The following TAFA4 variants were observed in gnomAD, a reference collection of about 807,000 sequenced individuals.
TAFA4 encodes chemokine-like protein TAFA-4.
Under a neutral mutation model 21.1 loss-of-function variants are expected in TAFA4, and 20 were observed. The observed-to-expected ratio is 0.95, with a 90% CI of 0.67 to 1.38. TAFA4 has a LOEUF of 1.38. TAFA4 is among the 40% of genes most tolerant of loss of function. The pLI, the probability that TAFA4 is intolerant of heterozygous loss-of-function variation, is 0.00. For missense variants in TAFA4, 211 were observed against 180.9 expected (o/e 1.17, Z -0.95); for synonymous variants, 71 against 67.4 (o/e 1.05, Z -0.26).
At chr3:68,778,852 C>T (rs568222388) in intron 3 of TAFA4, among the ~76,000 whole-genome samples, 1 of 152,196 alleles carries the variant, frequency 6.6e-6, no homozygotes, top group Admixed American at 6.5e-5. Flanking sequence ...GTGGGTGTTG[C>T]TGAAAAGATA....
intron 3 of TAFA4, among the ~76,000 whole-genome samples, chr3:68,770,811 C>T (rs1019279192): frequency 6.6e-6 from 1 of 152,178 alleles, no homozygotes; most frequent in African/African-American, 2.4e-5. Context: ...CCGGCGAGGG[C>T]TCCACCCTCG....
chr3:68,793,247 A>G (rs900101088), intron 3 of TAFA4, among the ~76,000 whole-genome samples: 4 of 152,180 alleles, frequency 2.6e-5, no homozygotes, highest in African/African-American at 4.8e-5. Context: ...CCCAACATTT[A>G]CTAAATAGAA....
At position 68,744,241 on chromosome 3, in the gene TAFA4, C is replaced by T. The variant is rs560274056; in HGVS notation, c.287-5042G>A. 4.6e-5 allele frequency among the ~76,000 whole-genome samples: 7 copies of T among 152,308 alleles called. No homozygotes were observed. In the South Asian group the frequency reaches 1.2e-3, roughly 27 times the overall value. ...CAACTGAAGACAGGAGCGACAGTGA[C>T]GGTTCCACCTGGAAGCCAGCAGACG... On this transcript the variant is annotated intron_variant, in intron 4 of 5. Transcript: ENST00000295569.
rs149328422 is a variant in TAFA4 at position 68,849,793 on chromosome 3, C to T, written c.130+30937G>A. ...CAGCCTTCATTCACATTGTATCTTA[C>T]TCAGTTTCTTCTCTCACAAAGGATC... On this transcript the variant is annotated intron_variant, in intron 3 of 5. Coordinates refer to ENST00000295569, the MANE Select transcript of TAFA4 (RefSeq NM_182522.5). Among the ~76,000 whole-genome samples the T allele has an allele frequency of 6.2e-4, 95 of 152,328 alleles. 1 individual carries two copies. The highest frequency in any genetic ancestry group is 2.3e-3 in the African/African-American group (94 of 41,576).
chr3:68,748,325 G>A (rs552803941), intron 4 of TAFA4, among the ~76,000 whole-genome samples: 1 of 152,336 alleles, frequency 6.6e-6, no homozygotes, highest in East Asian at 1.9e-4. Context: ...AGTGGAAGGA[G>A]AACAAGCCCA....
chr3:68,928,784 C>G (rs2107037323), intron 1 of TAFA4, among the ~76,000 whole-genome samples: 1 of 152,166 alleles, frequency 6.6e-6, no homozygotes, highest in East Asian at 1.9e-4. Flanking sequence ...GTCATTCTCT[C>G]CCAGTCTTCA....
At chr3:68,740,179 G>C (rs1378341385) in intron 4 of TAFA4, among the ~76,000 whole-genome samples, 1 of 152,186 alleles carries the variant, frequency 6.6e-6, no homozygotes, top group Non-Finnish European at 1.5e-5. Flanking sequence ...AGAGGATAAA[G>C]TTAATCCACG....
Position 68,790,710 on chromosome 3 carries a change from T to C in TAFA4, c.131-37692A>G, listed in dbSNP as rs562940064. On this transcript the variant is annotated intron_variant, in intron 3 of 5. Transcript: ENST00000295569. ...CCAACCAGGGAACAAAGTGGTACAA[T>C]GGCATAGTAACAAAGGAAAATGTGC... is the stretch of plus-strand genomic sequence containing the variant. 4.9e-4 allele frequency among the ~76,000 whole-genome samples: 75 copies of C among 152,220 alleles called. No individual in the cohort carries two copies. In the South Asian group the frequency reaches 8.5e-3, roughly 17 times the overall value.
intron 3 of TAFA4, among the ~76,000 whole-genome samples, chr3:68,870,391 A>G (rs575908904): frequency 6.6e-6 from 1 of 152,176 alleles, no homozygotes; most frequent in South Asian, 2.1e-4. Flanking sequence ...AAATAACCAA[A>G]ACAATCCGAA....
intron 3 of TAFA4, among the ~76,000 whole-genome samples, chr3:68,818,598 G>C (rs1164412356): frequency 6.6e-6 from 1 of 152,160 alleles, no homozygotes. Context: ...TGAAGACTTA[G>C]GAGCCAATGT....
At chr3:68,832,455 G>T (rs564781774) in intron 3 of TAFA4, among the ~76,000 whole-genome samples, 2 of 152,198 alleles carry the variant, frequency 1.3e-5, no homozygotes, top group African/African-American at 2.4e-5. Flanking sequence ...CTGCAGATCT[G>T]TTGGAGTTTG....
intron 3 of TAFA4, among the ~76,000 whole-genome samples, chr3:68,805,345 C>T (rs1365977774): frequency 6.6e-6 from 1 of 152,204 alleles, no homozygotes; most frequent in African/African-American, 2.4e-5. Context: ...AACACTTTTA[C>T]ACTGTTGGTG....
intron 3 of TAFA4, among the ~76,000 whole-genome samples, chr3:68,777,881 A>C (rs1283700293): frequency 6.6e-6 from 1 of 152,172 alleles, no homozygotes; most frequent in African/African-American, 2.4e-5. Context: ...TGTAACTTAG[A>C]AGCAATAGCC....
chr3:68,800,036 A>G (rs1431352573), intron 3 of TAFA4, among the ~76,000 whole-genome samples: 1 of 152,016 alleles, frequency 6.6e-6, no homozygotes, highest in South Asian at 2.1e-4. Context: ...ACTGTCTCCC[A>G]TTGCCCCCAA....
At chr3:68,809,653 G>A (rs1703789574) in intron 3 of TAFA4, among the ~76,000 whole-genome samples, 1 of 151,510 alleles carries the variant, frequency 6.6e-6, no homozygotes, top group African/African-American at 2.4e-5. Context: ...GTGTCATAAA[G>A]CTTTTCCCCG....
rs572859714 is a variant in TAFA4 at position 68,733,459 on chromosome 3, A to G, written c.412-306T>C. Among the ~76,000 whole-genome samples the G allele has an allele frequency of 8.5e-5, 13 of 152,356 alleles. No homozygotes were observed. The East Asian group carries it at 2.5e-3, about 29-fold the overall frequency. Reference sequence around the variant, plus strand: ...GCCCATCAGTTCATGCATGCTGAGCATGCTTTGTTAATGGCACTAGAATTT... The same window carrying G: ...GCCCATCAGTTCATGCATGCTGAGCGTGCTTTGTTAATGGCACTAGAATTT... On this transcript the variant is annotated intron_variant, in intron 5 of 5. Coordinates refer to ENST00000295569, the MANE Select transcript of TAFA4 (RefSeq NM_182522.5).
Position 68,793,440 on chromosome 3 carries a change from A to G in TAFA4, c.131-40422T>C, listed in dbSNP as rs531964110. 1.2e-4 allele frequency among the ~76,000 whole-genome samples: 18 copies of G among 152,300 alleles called. No homozygotes were observed. The South Asian group carries it at 3.7e-3, about 32-fold the overall frequency. Reference sequence around the variant, plus strand: ...CAAACTGCTTCAGATAAGCAATCCTATTTGGTGGTTCATAGCTAGGCAGCC... The same window carrying G: ...CAAACTGCTTCAGATAAGCAATCCTGTTTGGTGGTTCATAGCTAGGCAGCC... On this transcript the variant is annotated intron_variant, in intron 3 of 5. Coordinates refer to ENST00000295569, the MANE Select transcript of TAFA4 (RefSeq NM_182522.5).
chr3:68,765,159 A>G (rs574189479), intron 3 of TAFA4, among the ~76,000 whole-genome samples: 20 of 152,328 alleles, frequency 1.3e-4, no homozygotes, highest in African/African-American at 3.8e-4. Flanking sequence ...GTCCTTTTCA[A>G]TATGTGCATT....
chr3:68,804,015 T>C (rs1703631924), intron 3 of TAFA4, among the ~76,000 whole-genome samples: 1 of 151,958 alleles, frequency 6.6e-6, no homozygotes, highest in African/African-American at 2.4e-5. Flanking sequence ...CTCGAACTCC[T>C]GACCTCAGGT....
Sources: gnomAD v4.1 joint callset for allele counts (sites outside exome capture counted in the v4.1 genomes callset) on GRCh38, gnomAD v4.1.1 for gene constraint, MANE v1.5 for transcripts, NCBI Gene and HGNC (gene_info 2026-07-23, HGNC 2026-07-21) for gene names.